Variants in EXT1 observed in about 807,000 individuals in gnomAD.
The protein encoded by EXT1 is exostosin glycosyltransferase 1.
In EXT1, 20 loss-of-function variants were observed where a neutral mutation model predicts 82.5. The observed-to-expected ratio is 0.24, with a 90% CI of 0.17 to 0.35. EXT1 has a LOEUF of 0.35. Among genes scored for constraint, EXT1 ranks in the 10% least tolerant of loss-of-function variants. The pLI is 1.00. For synonymous variants in EXT1, 348 were observed against 350.8 expected (o/e 0.99, Z 0.09); for missense variants, 757 against 936.5 (o/e 0.81, Z 2.50).
chr8:117,831,499 T>A, intron 3 of EXT1: 1 of 451,574 alleles, frequency 2.2e-6, no homozygotes, highest in Non-Finnish European at 4.6e-6. Context: ...TCTGGGCTTG[T>A]TCCCTATTTT....
rs10955837 is a variant in EXT1 at position 117,818,581 on chromosome 8, T to C, written c.1537-51A>G. 0.53 allele frequency: 740,939 copies of C among 1,403,494 alleles called. 199,146 individuals are homozygous for C. The highest frequency in any genetic ancestry group is 0.64 in the Admixed American group (38,361 of 59,674). The allele number at this position is 1,403,494 out of a possible 1,614,324, so 86.9% of individuals were successfully genotyped here. On this transcript the variant is annotated intron_variant, in intron 6 of 10. Transcript: ENST00000378204. ...GGCTGGGGTAGGATGTATTTATGTA[T>C]GCCTCCAACCCAAAGCCTCTTCTCA... is the stretch of plus-strand genomic sequence containing the variant.
At chr8:118,036,575 A>G (rs1271850731) in intron 1 of EXT1, among the ~76,000 whole-genome samples, 1 of 152,210 alleles carries the variant, frequency 6.6e-6, no homozygotes, top group African/African-American at 2.4e-5. Context: ...GAGTAGAATT[A>G]TGGGAGAATT....
chr8:117,888,550 A>G (rs866568593), intron 1 of EXT1, among the ~76,000 whole-genome samples: 3 of 152,206 alleles, frequency 2.0e-5, no homozygotes, highest in Non-Finnish European at 4.4e-5. Context: ...TAAGTGTTCT[A>G]TAAATGGCCT....
At chr8:117,924,386 A>G (rs1003603865) in intron 1 of EXT1, among the ~76,000 whole-genome samples, 6 of 152,242 alleles carry the variant, frequency 3.9e-5, no homozygotes, top group Admixed American at 3.9e-4. Context: ...TATAAAAGCC[A>G]ACGGGAACAA....
chr8:117,929,713 C>A (rs1361328799), intron 1 of EXT1, among the ~76,000 whole-genome samples: 1 of 152,138 alleles, frequency 6.6e-6, no homozygotes, highest in Non-Finnish European at 1.5e-5. Context: ...AACTATAAAG[C>A]TTTCACAGCC....
At chr8:118,103,099 G>C (rs112249805) in intron 1 of EXT1, among the ~76,000 whole-genome samples, 6 of 152,296 alleles carry the variant, frequency 3.9e-5, no homozygotes, top group African/African-American at 1.4e-4. Flanking sequence ...GTTGCGGTAA[G>C]CCGAGATCGC....
intron 1 of EXT1, among the ~76,000 whole-genome samples, chr8:118,091,566 G>A (rs17451540): frequency 0.2 from 29,965 of 151,728 alleles, 3,165 homozygotes; most frequent in Admixed American, 0.27. Context: ...GTGAAACTCC[G>A]TCTCTACTAA....
chr8:117,918,499 C>T (rs908496038), intron 1 of EXT1, among the ~76,000 whole-genome samples: 1 of 152,216 alleles, frequency 6.6e-6, no homozygotes, highest in South Asian at 2.1e-4. Context: ...AAGTCTATTT[C>T]CCCTCCTCTT....
At chr8:117,902,465 T>G (rs1563595974) in intron 1 of EXT1, among the ~76,000 whole-genome samples, 1 of 152,212 alleles carries the variant, frequency 6.6e-6, no homozygotes, top group Non-Finnish European at 1.5e-5. Flanking sequence ...TAATGCATTG[T>G]GCCAAGACAG....
chr8:117,997,259 ATATACACACTT>A (rs1472243896), intron 1 of EXT1, among the ~76,000 whole-genome samples: 3 of 125,862 alleles, frequency 2.4e-5, no homozygotes, highest in African/African-American at 8.3e-5. Context: ...ATATATATAT[ATATACACACTT>A]TATATATATA....
chr8:118,078,766 T>TA (rs906821758), intron 1 of EXT1, among the ~76,000 whole-genome samples: 1 of 151,958 alleles, frequency 6.6e-6, no homozygotes, highest in African/African-American at 2.4e-5. Flanking sequence ...TGTGTTTAGT[T>TA]AAAAAAGATT....
intron 1 of EXT1, among the ~76,000 whole-genome samples, chr8:118,052,643 T>C (rs1005469382): frequency 2.0e-5 from 3 of 152,216 alleles, no homozygotes; most frequent in African/African-American, 7.2e-5. Context: ...CCCCATTTAA[T>C]AGCCACCTCT....
At chr8:117,845,577 A>T (rs1812343392) in intron 1 of EXT1, among the ~76,000 whole-genome samples, 2 of 152,064 alleles carry the variant, frequency 1.3e-5, no homozygotes, top group Admixed American at 1.3e-4. Context: ...AATAAATAAA[A>T]GATAGCTATT....
At chr8:118,051,593 A>G (rs953137775) in intron 1 of EXT1, among the ~76,000 whole-genome samples, 1 of 152,204 alleles carries the variant, frequency 6.6e-6, no homozygotes, top group African/African-American at 2.4e-5. Context: ...AGTGAGACAC[A>G]GGAACATCTT....
chr8:117,889,335 G>A (rs1040991118), intron 1 of EXT1, among the ~76,000 whole-genome samples: 21 of 152,054 alleles, frequency 1.4e-4, no homozygotes, highest in African/African-American at 2.4e-4. Flanking sequence ...AATCCACACC[G>A]TAACTAATTC....
chr8:117,966,825 A>G (rs1449840081), intron 1 of EXT1, among the ~76,000 whole-genome samples: 2 of 152,206 alleles, frequency 1.3e-5, no homozygotes, highest in Non-Finnish European at 2.9e-5. Flanking sequence ...AGCCTAATGC[A>G]GTTCACTTTG....
intron 1 of EXT1, among the ~76,000 whole-genome samples, chr8:118,009,215 C>T (rs775409204): frequency 2.0e-5 from 3 of 152,200 alleles, no homozygotes; most frequent in South Asian, 4.1e-4. Context: ...AATGTGAGCA[C>T]GCCTCCCAGA....
intron 1 of EXT1, among the ~76,000 whole-genome samples, chr8:117,957,029 CCTT>C (rs1239142785): frequency 1.3e-5 from 2 of 152,256 alleles, no homozygotes; most frequent in African/African-American, 4.8e-5. Flanking sequence ...GTCATAATTT[CCTT>C]CTTAACTGGA....
At chr8:117,899,717 T>C (rs1355807848) in intron 1 of EXT1, among the ~76,000 whole-genome samples, 2 of 152,076 alleles carry the variant, frequency 1.3e-5, no homozygotes, top group African/African-American at 4.8e-5. Flanking sequence ...TTTCAAGGAG[T>C]AGCAAGATAA....
Sources: gnomAD v4.1 joint callset for allele counts (sites outside exome capture counted in the v4.1 genomes callset) on GRCh38, gnomAD v4.1.1 for gene constraint, MANE v1.5 for transcripts, NCBI Gene and HGNC (gene_info 2026-07-23, HGNC 2026-07-21) for gene names.